DZANK1: variants seen among roughly 807,000 people sequenced by gnomAD.
DZANK1 encodes double zinc ribbon and ankyrin repeat-containing protein 1.
DZANK1 carries 91 observed loss-of-function variants against 94.5 expected under a neutral mutation model. That is an observed-to-expected ratio of 0.96 (90% confidence interval 0.81 to 1.15). The LOEUF is 1.15. Among genes scored for constraint, DZANK1 ranks in the 50% most tolerant of loss-of-function variants. The pLI is 0.00. For synonymous variants in DZANK1, 312 were observed against 325.3 expected, an observed-to-expected ratio of 0.96 and a Z score of 0.44; for missense variants, 903 against 916.4, an observed-to-expected ratio of 0.99 and a Z score of 0.19.
At chr20:18,414,436 G>A (rs746731036) in exon 12 of DZANK1, 1 of 1,613,938 alleles carries the variant, frequency 6.2e-7, no homozygotes. Context: ...AATACCACAG[G>A]AGCCACAGAA....
At chr20:18,465,759 C>G (rs541044150) in intron 1 of DZANK1, among the ~76,000 whole-genome samples, 23 of 152,284 alleles carry the variant, frequency 1.5e-4, no homozygotes, top group African/African-American at 5.5e-4. Flanking sequence ...CTCTTGGCTT[C>G]AGGGCAAGTC....
intron 2 of DZANK1, among the ~76,000 whole-genome samples, chr20:18,464,624 G>T (rs62218708): frequency 0.18 from 27,240 of 149,590 alleles, 2,840 homozygotes; most frequent in Non-Finnish European, 0.23. Context: ...TATTATACCA[G>T]CTAAATAATG....
chr20:18,459,416 G>C (rs2059398915), intron 3 of DZANK1, among the ~76,000 whole-genome samples: 1 of 152,108 alleles, frequency 6.6e-6, no homozygotes, highest in Non-Finnish European at 1.5e-5. Flanking sequence ...GTGGGGGGTG[G>C]GGCTAGAGTC....
chr20:18,425,091 T>C (rs1308999134), intron 10 of DZANK1, among the ~76,000 whole-genome samples: 2 of 152,222 alleles, frequency 1.3e-5, no homozygotes, highest in African/African-American at 2.4e-5. Context: ...AATATCTTCA[T>C]TGTGGTGGTA....
At chr20:18,417,795 C>G (rs2057562325) in intron 10 of DZANK1, among the ~76,000 whole-genome samples, 1 of 152,060 alleles carries the variant, frequency 6.6e-6, no homozygotes, top group Non-Finnish European at 1.5e-5. Context: ...ATAAAATCTG[C>G]TGATAATAGG....
At chr20:18,447,834 C>T (rs1412179628) in intron 7 of DZANK1, among the ~76,000 whole-genome samples, 1 of 152,122 alleles carries the variant, frequency 6.6e-6, no homozygotes, top group Non-Finnish European at 1.5e-5. Context: ...AATTCTCCTC[C>T]ACTGCTGGTG....
chr20:18,438,111 C>T (rs966647633), intron 8 of DZANK1, among the ~76,000 whole-genome samples: 6 of 143,932 alleles, frequency 4.2e-5, no homozygotes, highest in South Asian at 2.3e-4. Context: ...CCCAGCTACT[C>T]GGGAGGCTGA....
chr20:18,449,239 G>A (rs570101167), intron 6 of DZANK1, among the ~76,000 whole-genome samples, 170 bp from the exon 7 acceptor site: 8 of 152,200 alleles, frequency 5.3e-5, no homozygotes, highest in African/African-American at 9.6e-5. Context: ...GTGGGAAAAG[G>A]CGAGGGCTGA....
At chr20:18,427,045 T>A (rs774394727) in intron 10 of DZANK1, 22 bp downstream of exon 10, 2 of 1,556,582 alleles carry the variant, frequency 1.3e-6, no homozygotes, top group Non-Finnish European at 1.8e-6. Context: ...AAATATAGGA[T>A]TGGCACATGC....
At chr20:18,389,598 T>C in intron 19 of DZANK1, 103 bp downstream of exon 19, 17 of 1,480,380 alleles carry the variant, frequency 1.1e-5, no homozygotes, top group Admixed American at 2.1e-5. Flanking sequence ...TTAAAGTGGC[T>C]GAAACTGAAC....
chr20:18,451,909 T>C (rs1372176312), intron 6 of DZANK1: 1 of 518,808 alleles, frequency 1.9e-6, no homozygotes, highest in Non-Finnish European at 3.8e-6. Flanking sequence ...TGGTCTAATC[T>C]CCATACTGTG....
chr20:18,425,866 A>G (rs2058019777), intron 10 of DZANK1, among the ~76,000 whole-genome samples: 1 of 152,188 alleles, frequency 6.6e-6, no homozygotes, highest in African/African-American at 2.4e-5. Flanking sequence ...GGGAAGTTTG[A>G]GGCTACCAGA....
At chr20:18,458,064 T>A (rs950075177) in intron 3 of DZANK1, among the ~76,000 whole-genome samples, 3 of 152,238 alleles carry the variant, frequency 2.0e-5, no homozygotes, top group African/African-American at 7.2e-5. Context: ...GCCAGACTCT[T>A]AATACTTTTT....
intron 17 of DZANK1, among the ~76,000 whole-genome samples, chr20:18,390,718 A>C (rs2055913398): frequency 6.6e-6 from 1 of 152,218 alleles, no homozygotes; most frequent in African/African-American, 2.4e-5. Flanking sequence ...TGCCATGAGA[A>C]ACCTCACAAA....
chr20:18,461,290 A>G (rs532692273), intron 2 of DZANK1, among the ~76,000 whole-genome samples: 1 of 152,188 alleles, frequency 6.6e-6, no homozygotes, highest in Admixed American at 6.5e-5. Flanking sequence ...TTCTTTTTTC[A>G]TTTATCAGTA....
chr20:18,444,723 T>C (rs559072831), intron 7 of DZANK1, among the ~76,000 whole-genome samples: 9 of 140,550 alleles, frequency 6.4e-5, no homozygotes, highest in Non-Finnish European at 1.5e-4. Context: ...ACATAGGAGT[T>C]GTCAGGTATG....
At chr20:18,427,137 C>T (rs1193939983) in exon 10 of DZANK1, 1 of 1,612,940 alleles carries the variant, frequency 6.2e-7, no homozygotes, top group Admixed American at 1.7e-5. Context: ...TCCTGTACCA[C>T]AGGCCCGGCA....
chr20:18,453,724 A>G lies in DZANK1; in HGVS notation c.475+7T>C. 1 of 1,597,488 alleles carries G rather than the reference A, an allele frequency of 6.3e-7. No individual in the cohort carries two copies. The highest frequency in any genetic ancestry group is 1.1e-5 in the South Asian group (1 of 90,624). On this transcript the variant is annotated splice_region_variant and intron_variant, in intron 5 of 20. Coordinates refer to ENST00000262547, the Ensembl canonical transcript of DZANK1. ...CAAAACCTTGTCTTTGTTCTGTCAC[A>G]TCATACCTGGAAACTTTCTAAGGTT... is the stretch of plus-strand genomic sequence containing the variant.
chr20:18,392,498 T>C (rs1218245839), intron 17 of DZANK1, among the ~76,000 whole-genome samples: 2 of 152,190 alleles, frequency 1.3e-5, no homozygotes, highest in African/African-American at 4.8e-5. Context: ...CACGGCATCA[T>C]GCAAGTGTCC....
Sources: gnomAD v4.1 joint callset for allele counts (sites outside exome capture counted in the v4.1 genomes callset) on GRCh38, gnomAD v4.1.1 for gene constraint, MANE v1.5 for transcripts, NCBI Gene and HGNC (gene_info 2026-07-23, HGNC 2026-07-21) for gene names.